VRK1: variants seen among roughly 807,000 people sequenced by gnomAD.
VRK1 encodes the protein VRK serine/threonine kinase 1, also known as serine/threonine-protein kinase VRK1.
Under a neutral mutation model 57.1 loss-of-function variants are expected in VRK1, and 33 were observed. The observed-to-expected ratio is 0.58, with a 90% confidence interval of 0.44 to 0.77. The LOEUF (loss-of-function observed/expected upper bound fraction) is 0.77, where lower values mean the gene tolerates loss of function less well. Ranked by LOEUF, VRK1 falls within the 30% of genes least tolerant of loss-of-function variation. The pLI is 0.00. For synonymous variants in VRK1, 137 were observed against 147.8 expected, an observed-to-expected ratio of 0.93 and a Z score of 0.53; for missense variants, 413 against 477.3, an observed-to-expected ratio of 0.87 and a Z score of 1.25.
At chr14:96,834,955 G>T (rs1394997839) in intron 2 of VRK1, among the ~76,000 whole-genome samples, 4 of 152,078 alleles carry the variant, frequency 2.6e-5, no homozygotes, top group Admixed American at 1.3e-4. Flanking sequence ...AAAAAAATAG[G>T]TTCTTCATTT....
chr14:96,876,188 GA>G, intron 12 of VRK1, 68 bp downstream of exon 12: 1 of 1,462,924 alleles, frequency 6.8e-7, no homozygotes, highest in Non-Finnish European at 9.6e-7. Context: ...CCCATTAGAT[GA>G]GGGGTCAACT....
At position 96,876,355 on chromosome 14, in the gene VRK1, C is replaced by T. The variant is rs148634734; in HGVS notation, c.1159+235C>T. ...TCCTTCATTTTGCAGATTTGGAACC[C>T]GAGACACTGAATGATTAAATGGCAG... On this transcript the variant is annotated intron_variant, in intron 12 of 12. Coordinates refer to ENST00000216639, the MANE Select transcript of VRK1 (RefSeq NM_003384.3). Among the ~76,000 whole-genome samples, 268 of 152,138 alleles carry T rather than the reference C, an allele frequency of 1.8e-3. 1 individual carries two copies. Among genetic ancestry groups the T allele is most frequent in the Non-Finnish European group, 3.3e-3 (226 of 67,988 alleles).
chr14:96,870,486 C>T (rs971334408), intron 11 of VRK1, among the ~76,000 whole-genome samples: 23 of 152,138 alleles, frequency 1.5e-4, no homozygotes, highest in African/African-American at 4.3e-4. Flanking sequence ...TGACTTTAAT[C>T]TAGAATAGAA....
Position 96,881,310 on chromosome 14 carries a change from G to A in VRK1, c.*102G>A. On this transcript the variant is annotated 3_prime_UTR_variant, in exon 13 of 13. Coordinates refer to ENST00000216639, the MANE Select transcript of VRK1 (RefSeq NM_003384.3). ...ATTTTCCTGTGAGTCTTGCGAGGTG[G>A]AAGTAATGATTAAATACTCATGTGT... 9.3e-7 allele frequency: 1 copy of A among 1,073,590 alleles called. No homozygotes were observed. The highest frequency in any genetic ancestry group is 2.6e-5 in the East Asian group (1 of 38,594). 66.5% of individuals were successfully genotyped at this position (1,073,590 alleles called of 1,614,324 possible).
intron 7 of VRK1, among the ~76,000 whole-genome samples, chr14:96,854,944 A>C (rs1320686435): frequency 6.6e-6 from 1 of 152,096 alleles, no homozygotes; most frequent in East Asian, 1.9e-4. Context: ...AGACAAGATT[A>C]ATTACAAGTA....
At chr14:96,818,700 TCTC>T (rs951673901) in intron 1 of VRK1, among the ~76,000 whole-genome samples, 2 of 152,208 alleles carry the variant, frequency 1.3e-5, no homozygotes, top group African/African-American at 4.8e-5. Flanking sequence ...TATGCATAAT[TCTC>T]CTCTGAGTGA....
chr14:96,845,455 A>G (rs1887643027), intron 3 of VRK1, among the ~76,000 whole-genome samples: 1 of 152,228 alleles, frequency 6.6e-6, no homozygotes, highest in African/African-American at 2.4e-5. Flanking sequence ...CTCTAAAAAC[A>G]TAAAATGAAT....
chr14:96,841,967 G>A (rs941679367), intron 3 of VRK1, among the ~76,000 whole-genome samples: 1 of 151,938 alleles, frequency 6.6e-6, no homozygotes, highest in Admixed American at 6.6e-5. Flanking sequence ...AACACCTACA[G>A]CACTCATTGT....
At chr14:96,844,288 T>C (rs1250837879) in intron 3 of VRK1, among the ~76,000 whole-genome samples, 2 of 152,094 alleles carry the variant, frequency 1.3e-5, no homozygotes, top group African/African-American at 2.4e-5. Flanking sequence ...GGGTACTGAG[T>C]CCATAAGTTA....
intron 1 of VRK1, among the ~76,000 whole-genome samples, chr14:96,816,018 G>A (rs1226596056): frequency 6.6e-6 from 1 of 152,140 alleles, no homozygotes; most frequent in East Asian, 1.9e-4. Flanking sequence ...GTGGCTGATT[G>A]TAGGCTTGAG....
intron 2 of VRK1, among the ~76,000 whole-genome samples, chr14:96,836,184 T>A (rs1472502247): frequency 6.6e-6 from 1 of 152,188 alleles, no homozygotes; most frequent in Non-Finnish European, 1.5e-5. Context: ...GAAAAATTTT[T>A]AGTAGCTTTA....
chr14:96,881,286 T>C lies in VRK1; in HGVS notation c.*78T>C. The C allele has an allele frequency of 7.3e-7, 1 of 1,364,422 alleles. No homozygotes were observed. The highest frequency in any genetic ancestry group is 1.3e-5 in the South Asian group (1 of 79,034). The allele number at this position is 1,364,422 out of a possible 1,614,324, so 84.5% of individuals were successfully genotyped here. On this transcript the variant is annotated 3_prime_UTR_variant, in exon 13 of 13. Coordinates refer to ENST00000216639, the MANE Select transcript of VRK1 (RefSeq NM_003384.3). The stretch of plus-strand genomic sequence containing the variant: ...CTCCTTTTCTATTTGAACTGTTTTA[T>C]TTTCCTGTGAGTCTTGCGAGGTGGA...
chr14:96,876,789 A>C (rs190187213), intron 12 of VRK1, among the ~76,000 whole-genome samples: 4,066 of 150,906 alleles, frequency 0.027, 72 homozygotes, highest in Non-Finnish European at 0.042. Context: ...AAAAAAAAAA[A>C]AACACAAAAA....
At position 96,833,633 on chromosome 14, in the gene VRK1, T is replaced by C; in HGVS notation, c.160+2T>C. The stretch of plus-strand genomic sequence containing the variant: ...GAGGCTTTGGCTGTATATATCTTGG[T>C]AAGTGTGTGACTGCTTCTAATGATC... On this transcript the variant is annotated splice_donor_variant, in intron 2 of 12. Coordinates refer to ENST00000216639, the MANE Select transcript of VRK1 (RefSeq NM_003384.3). LOFTEE classifies it high-confidence loss of function. The C allele has an allele frequency of 6.2e-7, 1 of 1,613,590 alleles. No homozygotes were observed. Among genetic ancestry groups the C allele is most frequent in the Non-Finnish European group, 8.5e-7 (1 of 1,179,586 alleles).
intron 11 of VRK1, among the ~76,000 whole-genome samples, chr14:96,871,408 TA>T (rs139735239): frequency 0.34 from 51,605 of 152,040 alleles, 9,124 homozygotes; most frequent in South Asian, 0.41. Context: ...GTGTTACATT[TA>T]CATATGGATT....
At chr14:96,855,115 C>G in intron 7 of VRK1, 109 bp from the exon 8 acceptor site, 2 of 1,512,700 alleles carry the variant, frequency 1.3e-6, no homozygotes, top group Non-Finnish European at 1.8e-6. Context: ...ATGGAATGAC[C>G]TTGTAGGTGA....
chr14:96,875,490 A>G (rs1888990224), intron 11 of VRK1, among the ~76,000 whole-genome samples: 1 of 152,214 alleles, frequency 6.6e-6, no homozygotes, highest in African/African-American at 2.4e-5. Flanking sequence ...AAAGAGAAAC[A>G]ATTATTACAA....
At chr14:96,865,216 T>G (rs1405102387) in intron 11 of VRK1, among the ~76,000 whole-genome samples, 1 of 152,204 alleles carries the variant, frequency 6.6e-6, no homozygotes, top group East Asian at 1.9e-4. Flanking sequence ...AGTCTACAGT[T>G]TAACAGAAAT....
At chr14:96,825,849 A>G (rs1363602001) in intron 1 of VRK1, among the ~76,000 whole-genome samples, 2 of 152,246 alleles carry the variant, frequency 1.3e-5, no homozygotes. Flanking sequence ...AGAAAATTTC[A>G]TAAAAATACA....
Sources: allele counts gnomAD v4.1 joint callset (sites outside exome capture counted in the v4.1 genomes callset), GRCh38; gene constraint gnomAD v4.1.1; transcripts MANE v1.5; gene names NCBI Gene and HGNC (gene_info 2026-07-23, HGNC 2026-07-21).